The following DNAH11 variants were observed in gnomAD, a reference collection of about 807,000 sequenced individuals.
DNAH11 encodes the protein dynein axonemal heavy chain 11, also known as axonemal beta dynein heavy chain 11.
In DNAH11, 442 loss-of-function variants were observed where a neutral mutation model predicts 526.0. That is an observed-to-expected ratio of 0.84 (90% CI 0.78 to 0.91). The LOEUF (loss-of-function observed/expected upper bound fraction) is 0.91. Ranked by LOEUF, DNAH11 falls within the 40% of genes least tolerant of loss-of-function variation. The pLI is 0.00. For synonymous variants in DNAH11, 2,461 were observed against 1,935.9 expected (o/e 1.27, Z -7.12); for missense variants, 6,989 against 5,448.7 (o/e 1.28, Z -8.90).
chr7:21,806,722 T>G (rs982961195), intron 62 of DNAH11, among the ~76,000 whole-genome samples: 9 of 152,242 alleles, frequency 5.9e-5, no homozygotes, highest in African/African-American at 1.9e-4. Context: ...TTAAAATGTA[T>G]TTTTAGCGTA....
chr7:21,897,850 C>G (rs1438486283), intron 79 of DNAH11, among the ~76,000 whole-genome samples: 1 of 152,142 alleles, frequency 6.6e-6, no homozygotes, highest in East Asian at 1.9e-4. Context: ...CACCTGACCT[C>G]AAGTGATCCA....
chr7:21,786,222 GT>G (rs1431526330), intron 58 of DNAH11, among the ~76,000 whole-genome samples: 2 of 152,122 alleles, frequency 1.3e-5, no homozygotes, highest in African/African-American at 2.4e-5. Flanking sequence ...AAGGAATTAT[GT>G]GTCTGGGAGG....
chr7:21,594,666 G>A (rs1398830673), intron 14 of DNAH11, among the ~76,000 whole-genome samples: 3 of 152,146 alleles, frequency 2.0e-5, no homozygotes, highest in Non-Finnish European at 4.4e-5. Flanking sequence ...TTGGTGAAGA[G>A]TGTTCCAGGC....
chr7:21,822,838 A>G (rs2128003170), intron 65 of DNAH11, among the ~76,000 whole-genome samples: 1 of 152,106 alleles, frequency 6.6e-6, no homozygotes, highest in East Asian at 1.9e-4. Flanking sequence ...GTTTTGATTA[A>G]CATTTCTCTG....
Position 21,543,090 on chromosome 7 carries a change from G to C in DNAH11, c.-156G>C. On this transcript the variant is annotated 5_prime_UTR_variant, in exon 1 of 82. Coordinates refer to ENST00000409508, the MANE Select transcript of DNAH11 (RefSeq NM_001277115.2). ...AGGCTACAGCTGTGCGCAGTGGCGC[G>C]GCTGCTAAGTAGCAGCAGGTGGGAG... 1.4e-6 allele frequency: 2 copies of C among 1,390,808 alleles called. No homozygotes were observed. The highest frequency in any genetic ancestry group is 1.9e-6 in the Non-Finnish European group (2 of 1,070,524). The allele number at this position is 1,390,808 out of a possible 1,614,324, so 86.2% of individuals were successfully genotyped here.
chr7:21,574,766 A>T (rs545456695), intron 8 of DNAH11, among the ~76,000 whole-genome samples: 1 of 146,884 alleles, frequency 6.8e-6, no homozygotes, highest in East Asian at 2.1e-4. Context: ...GGGTTTCGCC[A>T]TGTTGGCCGG....
intron 42 of DNAH11, among the ~76,000 whole-genome samples, chr7:21,713,394 G>C (rs1472851351): frequency 6.6e-6 from 1 of 152,122 alleles, no homozygotes; most frequent in Non-Finnish European, 1.5e-5. Context: ...AGGTCAGGCT[G>C]TTTATTCTCC....
chr7:21,699,270 T>G (rs1173068695), intron 36 of DNAH11, among the ~76,000 whole-genome samples: 1 of 152,126 alleles, frequency 6.6e-6, no homozygotes, highest in Non-Finnish European at 1.5e-5. Context: ...AATTTCCTTG[T>G]CTCTAAAATG....
intron 76 of DNAH11, among the ~76,000 whole-genome samples, chr7:21,891,821 T>A (rs111344811): frequency 6.6e-6 from 1 of 152,188 alleles, no homozygotes; most frequent in South Asian, 2.1e-4. Context: ...GTCTGACTCT[T>A]AGTATATATG....
chr7:21,595,217 T>G (rs902328770), intron 14 of DNAH11, among the ~76,000 whole-genome samples: 5 of 152,176 alleles, frequency 3.3e-5, no homozygotes, highest in African/African-American at 7.2e-5. Flanking sequence ...ATGGAGGAAG[T>G]TCCCCTGGGC....
chr7:21,638,182 G>C (rs369710383), intron 27 of DNAH11, among the ~76,000 whole-genome samples: 1 of 152,060 alleles, frequency 6.6e-6, no homozygotes, highest in Non-Finnish European at 1.5e-5. Flanking sequence ...GTTAGTGGTC[G>C]TAAGAATATT....
intron 65 of DNAH11, among the ~76,000 whole-genome samples, chr7:21,841,440 A>T (rs1476400456): frequency 1.3e-5 from 2 of 152,166 alleles, no homozygotes; most frequent in Admixed American, 6.5e-5. Flanking sequence ...ATGAGGGAAA[A>T]AAACATCACT....
rs201121146 is a variant in DNAH11, at chr7:21,589,272, G to A, written c.2038G>A (p.Asp680Asn). 1.3e-4 allele frequency: 205 copies of A among 1,609,802 alleles called. No homozygotes were observed. The African/African-American group carries it at 2.4e-3, about 19-fold the overall frequency. ...QKYVEMTTLL[D>N]QFESRIYNEW... ...GTATGTTGAAATGACCACTTTGCTTGATCAATTTGAAAGTCGTATCTATAA... is the reference window on the plus strand; with the variant it reads ...GTATGTTGAAATGACCACTTTGCTTAATCAATTTGAAAGTCGTATCTATAA... The change falls in exon 12 of 82, where the codon GAT (aspartate) becomes AAT (asparagine). Residue 680 changes from aspartate (D) to asparagine (N), a missense_variant. By Grantham distance (23) the Asp-to-Asn change is conservative. Coordinates refer to ENST00000409508, the MANE Select transcript of DNAH11 (RefSeq NM_001277115.2).
intron 4 of DNAH11, among the ~76,000 whole-genome samples, chr7:21,560,209 A>G (rs185887282): frequency 2.2e-4 from 34 of 152,354 alleles, no homozygotes; most frequent in Non-Finnish European, 1.5e-4. Flanking sequence ...CTAAAAGTTA[A>G]GACATCCATT....
At chr7:21,867,753 C>A in intron 71 of DNAH11, 106 bp from the exon 72 acceptor site, 3 of 1,007,810 alleles carry the variant, frequency 3.0e-6, no homozygotes, top group South Asian at 1.6e-5. Context: ...ATGTAATAAA[C>A]CTGGTTACTT....
intron 31 of DNAH11, among the ~76,000 whole-genome samples, 171 bp from the exon 32 acceptor site, chr7:21,683,613 T>C (rs1783236213): frequency 6.6e-6 from 1 of 152,236 alleles, no homozygotes; most frequent in Non-Finnish European, 1.5e-5. Context: ...ACACGCATAT[T>C]TCTTATTAAG....
intron 63 of DNAH11, among the ~76,000 whole-genome samples, chr7:21,814,750 C>G (rs558872745): frequency 2.6e-5 from 4 of 152,004 alleles, no homozygotes; most frequent in Admixed American, 2.6e-4. Flanking sequence ...TATATGCAGT[C>G]CATCATTAAC....
Position 21,889,266 on chromosome 7 carries a change from G to A in DNAH11, c.12508-3159G>A, listed in dbSNP as rs150750225. ...AAGTCTGAATAATGTTCCATTGTAT[G>A]GACATAGCACATTTTGTTTATCTCA... On this transcript the variant is annotated intron_variant, in intron 76 of 81. Coordinates refer to ENST00000409508, the MANE Select transcript of DNAH11 (RefSeq NM_001277115.2). Among the ~76,000 whole-genome samples, 29 of 152,292 alleles carry A rather than the reference G, an allele frequency of 1.9e-4. No homozygotes were observed. The East Asian group carries it at 4.8e-3, about 25-fold the overall frequency.
intron 61 of DNAH11, among the ~76,000 whole-genome samples, chr7:21,796,705 C>G (rs1036465850): frequency 7.9e-5 from 12 of 152,198 alleles, no homozygotes; most frequent in African/African-American, 2.7e-4. Context: ...CGTGTTACAT[C>G]TTAGCCCAGT....
Sources: gnomAD v4.1 joint callset for allele counts (sites outside exome capture counted in the v4.1 genomes callset) on GRCh38, gnomAD v4.1.1 for gene constraint, MANE v1.5 for transcripts, NCBI Gene and HGNC (gene_info 2026-07-23, HGNC 2026-07-21) for gene names.